Variants in SMAD2 observed in about 807,000 individuals in gnomAD.
The protein encoded by SMAD2 is MAD homolog 2.
A neutral mutation model predicts 64.4 loss-of-function variants in SMAD2; 8 were observed. The observed-to-expected ratio is 0.12, with a 90% CI of 0.07 to 0.22. SMAD2 has a LOEUF of 0.22. Among genes scored for constraint, SMAD2 ranks in the 10% least tolerant of loss-of-function variants. The pLI, the probability that SMAD2 is intolerant of heterozygous loss-of-function variation, is 1.00. For synonymous variants in SMAD2, 203 were observed against 195.8 expected (o/e 1.04, Z -0.31); for missense variants, 289 against 561.2 (o/e 0.51, Z 4.90).
intron 2 of SMAD2, among the ~76,000 whole-genome samples, chr18:47,877,161 A>T (rs78421852): frequency 2.2e-4 from 31 of 143,984 alleles, no homozygotes; most frequent in South Asian, 8.8e-4. Context: ...TAAACAGTGT[A>T]TTTTTTTTTT....
chr18:47,918,735 T>C (rs1057356263), intron 1 of SMAD2, among the ~76,000 whole-genome samples: 2 of 91,876 alleles, frequency 2.2e-5, no homozygotes, highest in Non-Finnish European at 4.5e-5. Flanking sequence ...AGCTCTTGCA[T>C]AGCTTGACAG....
chr18:47,810,151 G>A lies in SMAD2; in HGVS notation c.*31676C>T, dbSNP rs1292670378. The A allele has an allele frequency of 7.0e-4, 107 of 152,168 alleles. 1 individual carries two copies. The highest frequency in any genetic ancestry group is 6.9e-3 in the Admixed American group (105 of 15,266). 9.4% of individuals were successfully genotyped at this position (152,168 alleles called of 1,614,324 possible). A position where few individuals can be genotyped will look rare whatever the true frequency, so the allele number is the denominator to read the frequency against. On this transcript the variant is annotated 3_prime_UTR_variant, in exon 11 of 11. Transcript: ENST00000262160. ...ACCACAGCCCAGGTAGCCAGCCTGGGAAATGGTTTCTCATACTGCAAAGAA... is the reference window on the plus strand; with the variant it reads ...ACCACAGCCCAGGTAGCCAGCCTGGAAAATGGTTTCTCATACTGCAAAGAA...
chr18:47,873,863 G>A (rs1483483818), intron 2 of SMAD2, among the ~76,000 whole-genome samples: 1 of 152,116 alleles, frequency 6.6e-6, no homozygotes, highest in African/African-American at 2.4e-5. Flanking sequence ...ACACTGCAGG[G>A]GGGTTGTTTT....
rs1317180138 is a variant in SMAD2, at chr18:47,819,938, C to G, written c.*21889G>C. The G allele has an allele frequency of 6.6e-6, 1 of 152,130 alleles. No individual in the cohort carries two copies. The highest frequency in any genetic ancestry group is 1.5e-5 in the Non-Finnish European group (1 of 68,002). 9.4% of individuals were successfully genotyped at this position (152,130 alleles called of 1,614,324 possible). On this transcript the variant is annotated 3_prime_UTR_variant, in exon 11 of 11. Transcript: ENST00000262160. The stretch of plus-strand genomic sequence containing the variant: ...GGATTGTGTGAGTTGGAGTTTGAGG[C>G]TGCAGTGTGCTACAATTGTGCCTGT...
chr18:47,913,743 T>A (rs2034231696), intron 1 of SMAD2, among the ~76,000 whole-genome samples: 1 of 152,242 alleles, frequency 6.6e-6, no homozygotes, highest in Non-Finnish European at 1.5e-5. Flanking sequence ...ATAATCAAGT[T>A]GCTATCAAAA....
In SMAD2 at chr18:47,881,391, G is replaced by C. The variant is rs2032579705; in HGVS notation, c.237-10827C>G. Among the ~76,000 whole-genome samples the C allele has an allele frequency of 2.0e-5, 3 of 151,984 alleles. No individual in the cohort carries two copies. In the South Asian group the frequency reaches 6.2e-4, roughly 32 times the overall value. On this transcript the variant is annotated intron_variant, in intron 2 of 10. Coordinates refer to ENST00000262160, the MANE Select transcript of SMAD2 (RefSeq NM_005901.6). Reference sequence around the variant, plus strand: ...ATGAATTTTCTTAACACCCCTATTTGTCTGCTGCTAGTATTTACAAAAATA... The same window carrying C: ...ATGAATTTTCTTAACACCCCTATTTCTCTGCTGCTAGTATTTACAAAAATA...
At position 47,828,518 on chromosome 18, in the gene SMAD2, G is replaced by C. The variant is rs866889113; in HGVS notation, c.*13309C>G. 1 of 171,410 alleles carries C rather than the reference G, an allele frequency of 5.8e-6. No individual in the cohort carries two copies. 10.6% of individuals were successfully genotyped at this position (171,410 alleles called of 1,614,324 possible). On this transcript the variant is annotated 3_prime_UTR_variant, in exon 11 of 11. Coordinates refer to ENST00000262160, the MANE Select transcript of SMAD2 (RefSeq NM_005901.6). ...GGGGGAAATGTGGGGAAAGGAAAGA[G>C]AGATCAGATTGTTGCTGTGTCTGTG...
At chr18:47,842,359 G>C (rs1914043827) in intron 10 of SMAD2, among the ~76,000 whole-genome samples, 1 of 152,066 alleles carries the variant, frequency 6.6e-6, no homozygotes, top group African/African-American at 2.4e-5. Flanking sequence ...GGCCAACATG[G>C]TGAAACCCCG....
chr18:47,866,312 G>A (rs1282718485), intron 5 of SMAD2, among the ~76,000 whole-genome samples: 3 of 61,610 alleles, frequency 4.9e-5, no homozygotes, highest in Admixed American at 2.8e-4. Context: ...GCAAAACACC[G>A]TCTCAAAAAA....
intron 7 of SMAD2, among the ~76,000 whole-genome samples, chr18:47,850,658 T>TAAATCCCCA (rs1915355009): frequency 3.4e-5 from 1 of 29,310 alleles, no homozygotes; most frequent in African/African-American, 1.6e-4. Flanking sequence ...ATAATATATA[T>TAAATCCCCA]TATATACTAT....
intron 1 of SMAD2, among the ~76,000 whole-genome samples, chr18:47,900,972 T>C (rs8098860): frequency 0.019 from 2,857 of 152,324 alleles, 102 homozygotes; most frequent in African/African-American, 0.065. Context: ...GCTTTGTTCA[T>C]GGCCCTAGCT....
intron 1 of SMAD2, among the ~76,000 whole-genome samples, chr18:47,928,239 C>G (rs1329370460): frequency 6.6e-6 from 1 of 152,052 alleles, no homozygotes; most frequent in Non-Finnish European, 1.5e-5. Flanking sequence ...TTTTGGAGCC[C>G]TAAAGCACAA....
intron 2 of SMAD2, among the ~76,000 whole-genome samples, chr18:47,889,438 A>T (rs1408718638): frequency 7.8e-5 from 11 of 141,378 alleles, no homozygotes; most frequent in East Asian, 2.0e-4. Context: ...TAAATACTTT[A>T]AAAAAAAAAA....
At chr18:47,870,030 T>TA (rs1306061067) in intron 3 of SMAD2, among the ~76,000 whole-genome samples, 7 of 152,020 alleles carry the variant, frequency 4.6e-5, no homozygotes, top group Admixed American at 2.6e-4. Context: ...ATGAAGTGAT[T>TA]AAAAAAAGTA....
In SMAD2 at chr18:47,818,249, T is replaced by C. The variant is rs1912439619; in HGVS notation, c.*23578A>G. 6.6e-6 allele frequency: 1 copy of C among 152,222 alleles called. No homozygotes were observed. Among genetic ancestry groups the C allele is most frequent in the Admixed American group, 6.5e-5 (1 of 15,284 alleles). The allele number at this position is 152,222 out of a possible 1,614,324, so 9.4% of individuals were successfully genotyped here. A position where few individuals can be genotyped will look rare whatever the true frequency, so the allele number is the denominator to read the frequency against. On this transcript the variant is annotated 3_prime_UTR_variant, in exon 11 of 11. Transcript: ENST00000262160. ...AAGAACAAAAAGAAAAAAAAAGGTCTTAAAGGGCCTTAAATTAATGGCTTT... is the reference window on the plus strand; with the variant it reads ...AAGAACAAAAAGAAAAAAAAAGGTCCTAAAGGGCCTTAAATTAATGGCTTT...
chr18:47,912,839 G>T (rs1046062558), intron 1 of SMAD2, among the ~76,000 whole-genome samples: 2 of 58,638 alleles, frequency 3.4e-5, no homozygotes, highest in Non-Finnish European at 6.7e-5. Flanking sequence ...AATAAAAAAT[G>T]AAACTTCTGT....
chr18:47,887,268 G>A (rs565339307), intron 2 of SMAD2, among the ~76,000 whole-genome samples: 56 of 152,172 alleles, frequency 3.7e-4, no homozygotes, highest in Non-Finnish European at 7.1e-4. Flanking sequence ...CCACAGCAAA[G>A]CCAAAATCTT....
chr18:47,893,540 A>G (rs915552160), intron 2 of SMAD2, among the ~76,000 whole-genome samples: 18 of 152,214 alleles, frequency 1.2e-4, no homozygotes, highest in Non-Finnish European at 8.8e-5. Context: ...CGTGCTTACA[A>G]ATCCATTGTG....
At chr18:47,843,304 T>C (rs1330372623) in intron 10 of SMAD2, among the ~76,000 whole-genome samples, 1 of 152,144 alleles carries the variant, frequency 6.6e-6, no homozygotes, top group Non-Finnish European at 1.5e-5. Flanking sequence ...TACTGTTTCC[T>C]AGAGTTTCCC....
Sources: gnomAD v4.1 joint callset for allele counts (sites outside exome capture counted in the v4.1 genomes callset) on GRCh38, gnomAD v4.1.1 for gene constraint, MANE v1.5 for transcripts, NCBI Gene and HGNC (gene_info 2026-07-23, HGNC 2026-07-21) for gene names.